JAKMIP2: variants seen among roughly 807,000 people sequenced by gnomAD.
JAKMIP2 encodes janus kinase and microtubule interacting protein 2, also known as janus kinase and microtubule-interacting protein 2.
Under a neutral mutation model 115.0 loss-of-function variants are expected in JAKMIP2, and 25 were observed. That is an observed-to-expected ratio of 0.22 (90% CI 0.16 to 0.30). The LOEUF (loss-of-function observed/expected upper bound fraction) is 0.30, where lower values mean the gene tolerates loss of function less well. Ranked by LOEUF, JAKMIP2 falls within the 10% of genes least tolerant of loss-of-function variation. The pLI is 1.00. For synonymous variants in JAKMIP2, 334 were observed against 343.6 expected (o/e 0.97, Z 0.31); for missense variants, 642 against 957.6 (o/e 0.67, Z 4.35).
intron 1 of JAKMIP2, among the ~76,000 whole-genome samples, chr5:147,673,870 T>A (rs567787896): frequency 5.6e-4 from 85 of 152,266 alleles, no homozygotes; most frequent in African/African-American, 2.0e-3. Flanking sequence ...ATATTTGATT[T>A]CTAAATGTTG....
chr5:147,727,974 G>A (rs1290445059), intron 1 of JAKMIP2, among the ~76,000 whole-genome samples: 1 of 152,062 alleles, frequency 6.6e-6, no homozygotes, highest in East Asian at 1.9e-4. Flanking sequence ...CTGCGTTTTG[G>A]GAAAAACGTC....
Position 147,744,872 on chromosome 5 carries a change from C to T in JAKMIP2, c.-149+37584G>A, listed in dbSNP as rs185652977. ...CAAGAGATTGAGACCATCCTGGCCA[C>T]GATGGTGAAACCCCTTCTTTACTAA... On this transcript the variant is annotated intron_variant, in intron 1 of 21. Coordinates refer to ENST00000616793, the MANE Select transcript of JAKMIP2 (RefSeq NM_001270941.2). 2.3e-3 allele frequency among the ~76,000 whole-genome samples: 354 copies of T among 151,786 alleles called. 1 individual carries two copies. The highest frequency in any genetic ancestry group is 8.2e-3 in the African/African-American group (340 of 41,414).
rs114621350 is a variant in JAKMIP2, at chr5:147,625,788, G to A, written c.1996-2099C>T. Among the ~76,000 whole-genome samples the A allele has an allele frequency of 6.0e-3, 915 of 152,126 alleles. 15 individuals carry two copies. The highest frequency in any genetic ancestry group is 0.021 in the African/African-American group (880 of 41,496). On this transcript the variant is annotated intron_variant, in intron 16 of 21. Coordinates refer to ENST00000616793, the MANE Select transcript of JAKMIP2 (RefSeq NM_001270941.2). ...CCCAATGTACATTATTTGGGCGGTG[G>A]ATACACTAACAGCCAAGACTTCACC...
rs144231303 is a variant in JAKMIP2, at chr5:147,640,795, T to C, written c.1310A>G (p.Tyr437Cys). Residue 437 changes from tyrosine to cysteine, a missense_variant, in exon 9 of 22, where the codon TAT (tyrosine) becomes TGT (cysteine). This residue lies in a region of JAKMIP2 where 439 missense variants were observed against 570.9 expected (regional missense o/e 0.77). Coordinates refer to ENST00000616793, the MANE Select transcript of JAKMIP2 (RefSeq NM_001270941.2). ...CTCTGAATCCATAGAGTCCTCATCA[T>C]AGCCAATAAACGGGTCCAAAACAGG... ...KRPVLDPFIG[Y>C]DEDSMDSETS... 2 of 1,613,326 alleles carry C rather than the reference T, an allele frequency of 1.2e-6. No homozygotes were observed. Among genetic ancestry groups the C allele is most frequent in the Non-Finnish European group, 1.7e-6 (2 of 1,179,630 alleles).
intron 20 of JAKMIP2, among the ~76,000 whole-genome samples, chr5:147,603,345 G>A (rs1016740051): frequency 3.9e-5 from 6 of 152,206 alleles, no homozygotes; most frequent in African/African-American, 1.2e-4. Flanking sequence ...GGCAGTGGAA[G>A]TGCTCTAGAT....
At position 147,742,155 on chromosome 5, in the gene JAKMIP2, A is replaced by ATATATATATATATATATTTTTTT; in HGVS notation, c.-149+40300_-149+40301insAAAAAAATATATATATATATATA. Among the ~76,000 whole-genome samples the ATATATATATATATATATTTTTTT allele has an allele frequency of 2.3e-4, 25 of 108,890 alleles. 1 individual carries two copies. Among genetic ancestry groups the ATATATATATATATATATTTTTTT allele is most frequent in the African/African-American group, 8.7e-4 (23 of 26,438 alleles). The allele number at this position is 108,890 out of a possible 152,430, so 71.4% of individuals were successfully genotyped here. Reference sequence around the variant, plus strand: ...TGTGGATCATTATATATATATATATATTTTTTTTACTATTGTATTGTATCT... The same window carrying ATATATATATATATATATTTTTTT: ...TGTGGATCATTATATATATATATATATATATATATATATATATTTTTTTTTTTTTTTACTATTGTATTGTATCT... On this transcript the variant is annotated intron_variant, in intron 1 of 21. Coordinates refer to ENST00000616793, the MANE Select transcript of JAKMIP2 (RefSeq NM_001270941.2).
chr5:147,600,499 C>T lies in JAKMIP2; in HGVS notation c.*20+1242G>A, dbSNP rs538946483. Reference sequence around the variant, plus strand: ...ACTTGCTGTAGAAAATGTTAAATCACCTGAGGTCCAGGAAAGATCTCAGGC... The same window carrying T: ...ACTTGCTGTAGAAAATGTTAAATCATCTGAGGTCCAGGAAAGATCTCAGGC... On this transcript the variant is annotated intron_variant, in intron 21 of 21. Transcript: ENST00000616793. Among the ~76,000 whole-genome samples the T allele has an allele frequency of 1.3e-4, 20 of 152,152 alleles. No individual in the cohort carries two copies. The East Asian group carries it at 2.3e-3, about 18-fold the overall frequency.
intron 1 of JAKMIP2, among the ~76,000 whole-genome samples, chr5:147,700,105 A>C (rs1228465227): frequency 1.3e-5 from 2 of 152,208 alleles, no homozygotes; most frequent in Non-Finnish European, 2.9e-5. Context: ...TTCCCCAGAT[A>C]AAGTTCTCAA....
chr5:147,649,585 T>C (rs1330622210), intron 4 of JAKMIP2, among the ~76,000 whole-genome samples: 1 of 152,060 alleles, frequency 6.6e-6, no homozygotes, highest in Non-Finnish European at 1.5e-5. Context: ...GAACTAAAAC[T>C]TACAGAAACT....
chr5:147,594,569 A>G, intron 21 of JAKMIP2: 1 of 331,726 alleles, frequency 3.0e-6, no homozygotes, highest in Non-Finnish European at 6.5e-6. Flanking sequence ...CCTGGGCTCA[A>G]GTGATCCACC....
At chr5:147,710,718 T>C (rs1430659317) in intron 1 of JAKMIP2, among the ~76,000 whole-genome samples, 2 of 152,236 alleles carry the variant, frequency 1.3e-5, no homozygotes, top group African/African-American at 4.8e-5. Flanking sequence ...CATTAAACTA[T>C]GTATTGTTAT....
intron 3 of JAKMIP2, among the ~76,000 whole-genome samples, chr5:147,653,535 C>A (rs542952231): frequency 6.6e-6 from 1 of 151,756 alleles, no homozygotes; most frequent in South Asian, 2.1e-4. Flanking sequence ...TGTTTATATA[C>A]CTTGCCCACT....
chr5:147,718,744 C>G (rs911114121), intron 1 of JAKMIP2, among the ~76,000 whole-genome samples: 4 of 151,992 alleles, frequency 2.6e-5, no homozygotes, highest in East Asian at 3.9e-4. Flanking sequence ...CTCTTTTTTT[C>G]TTTATTAGTC....
chr5:147,714,153 G>C (rs1023901569), intron 1 of JAKMIP2, among the ~76,000 whole-genome samples: 9 of 152,010 alleles, frequency 5.9e-5, no homozygotes, highest in African/African-American at 2.2e-4. Flanking sequence ...AAAGACAACA[G>C]AAACACACAA....
intron 1 of JAKMIP2, among the ~76,000 whole-genome samples, chr5:147,726,554 A>G (rs10477342): frequency 0.15 from 22,655 of 152,224 alleles, 1,755 homozygotes; most frequent in Middle Eastern, 0.2. Context: ...TTTGTGAGGT[A>G]CGTCTGAAGC....
rs552399950 is a variant in JAKMIP2, at chr5:147,657,646, T to C, written c.627+3302A>G. On this transcript the variant is annotated intron_variant, in intron 3 of 21. Coordinates refer to ENST00000616793, the MANE Select transcript of JAKMIP2 (RefSeq NM_001270941.2). Reference sequence around the variant, plus strand: ...CATCTCTTTCAGGTATTCCAGTCAATTGTAGGTTCGGTGTTTTAACATAGT... The same window carrying C: ...CATCTCTTTCAGGTATTCCAGTCAACTGTAGGTTCGGTGTTTTAACATAGT... Among the ~76,000 whole-genome samples the C allele has an allele frequency of 6.6e-5, 10 of 152,250 alleles. No individual in the cohort carries two copies. The South Asian group carries it at 2.1e-3, about 32-fold the overall frequency.
At chr5:147,600,415 T>C (rs1472623300) in intron 21 of JAKMIP2, among the ~76,000 whole-genome samples, 3 of 152,134 alleles carry the variant, frequency 2.0e-5, no homozygotes, top group Non-Finnish European at 4.4e-5. Flanking sequence ...GTCTGTTCCA[T>C]ATCCAGGTAA....
At chr5:147,645,881 G>A (rs1351635903) in intron 5 of JAKMIP2, among the ~76,000 whole-genome samples, 3 of 152,108 alleles carry the variant, frequency 2.0e-5, no homozygotes, top group African/African-American at 7.2e-5. Flanking sequence ...TATGAAAATT[G>A]TCTTGAGGGG....
chr5:147,761,138 A>T (rs996179548), intron 1 of JAKMIP2, among the ~76,000 whole-genome samples: 5 of 152,124 alleles, frequency 3.3e-5, no homozygotes, highest in African/African-American at 4.8e-5. Context: ...GATTCTCAAA[A>T]ATGCTTCTAA....
Sources: allele counts gnomAD v4.1 joint callset (sites outside exome capture counted in the v4.1 genomes callset), GRCh38; gene constraint gnomAD v4.1.1; regional missense constraint gnomAD v4.1.1; transcripts MANE v1.5; gene names NCBI Gene and HGNC (gene_info 2026-07-23, HGNC 2026-07-21).